Variants in ADAMTS12 observed in about 807,000 individuals in gnomAD.
ADAMTS12 encodes A disintegrin and metalloproteinase with thrombospondin motifs 12.
A neutral mutation model predicts 167.8 loss-of-function variants in ADAMTS12; 118 were observed. That is an observed-to-expected ratio of 0.70 (90% CI 0.61 to 0.82). ADAMTS12 has a LOEUF of 0.82. Ranked by LOEUF, ADAMTS12 falls within the 40% of genes least tolerant of loss-of-function variation. The pLI is 0.00. For synonymous variants in ADAMTS12, 704 were observed against 716.9 expected (o/e 0.98, Z 0.29); for missense variants, 1,916 against 1,998.8 (o/e 0.96, Z 0.79).
intron 2 of ADAMTS12, among the ~76,000 whole-genome samples, chr5:33,776,155 G>C (rs956149493): frequency 5.9e-5 from 9 of 152,110 alleles, no homozygotes; most frequent in Non-Finnish European, 1.5e-5. Flanking sequence ...CTTTAATATG[G>C]ATAAATCATT....
intron 2 of ADAMTS12, among the ~76,000 whole-genome samples, chr5:33,843,002 C>G (rs180767061): frequency 4.0e-4 from 61 of 152,296 alleles, no homozygotes; most frequent in Admixed American, 4.0e-3. Context: ...CACTCACAGT[C>G]TAAATCCCCA....
rs866839260 is a variant in ADAMTS12, at chr5:33,785,015, T to C, written c.490-33467A>G. 2.6e-5 allele frequency among the ~76,000 whole-genome samples: 4 copies of C among 152,082 alleles called. No homozygotes were observed. The South Asian group carries it at 8.3e-4, about 31-fold the overall frequency. On this transcript the variant is annotated intron_variant, in intron 2 of 23. Transcript: ENST00000504830. ...AAGAAAATAGTGAGCAGTTAACCCT[T>C]GCTCATAGGTTAATTAATTTTGAAC...
intron 19 of ADAMTS12, among the ~76,000 whole-genome samples, chr5:33,563,243 G>A (rs972476781): frequency 2.0e-5 from 3 of 152,116 alleles, no homozygotes; most frequent in African/African-American, 4.8e-5. Context: ...GGCCTGCATC[G>A]TTCATACTTC....
In ADAMTS12 at chr5:33,675,071, C is replaced by T. The variant is rs769467453; in HGVS notation, c.915+7947G>A. On this transcript the variant is annotated intron_variant, in intron 5 of 23. Coordinates refer to ENST00000504830, the MANE Select transcript of ADAMTS12 (RefSeq NM_030955.4). ...TGATGCCTTCCACCATGGAATGACA[C>T]TCACCAGATGCTGGTGCCATGATCT... is the stretch of plus-strand genomic sequence containing the variant. 3.0e-4 allele frequency among the ~76,000 whole-genome samples: 45 copies of T among 152,190 alleles called. 1 individual carries two copies. Among genetic ancestry groups the T allele is most frequent in the Non-Finnish European group, 5.4e-4 (37 of 68,028 alleles).
chr5:33,681,158 C>T (rs538361522), intron 5 of ADAMTS12, among the ~76,000 whole-genome samples: 1 of 152,234 alleles, frequency 6.6e-6, no homozygotes, highest in South Asian at 2.1e-4. Context: ...AAATGACATA[C>T]CCATTGGTAT....
chr5:33,863,360 T>G (rs564494149), intron 2 of ADAMTS12, among the ~76,000 whole-genome samples: 1 of 152,172 alleles, frequency 6.6e-6, no homozygotes, highest in South Asian at 2.1e-4. Context: ...GGTTACAAGA[T>G]CAATGTGCAA....
chr5:33,733,902 G>A (rs1416047594), intron 3 of ADAMTS12, among the ~76,000 whole-genome samples: 1 of 151,722 alleles, frequency 6.6e-6, no homozygotes, highest in African/African-American at 2.4e-5. Flanking sequence ...AGATCATAAG[G>A]CTCAGAGAAC....
rs1311334876 is a variant in ADAMTS12 at position 33,590,416 on chromosome 5, G to A, written c.2655-1607C>T. Reference sequence around the variant, plus strand: ...GGATCTGATGGGAGGTGTTTAGATCGTGAGGGCTTTACCATCATGAATGGA... The same window carrying A: ...GGATCTGATGGGAGGTGTTTAGATCATGAGGGCTTTACCATCATGAATGGA... On this transcript the variant is annotated intron_variant, in intron 17 of 23. Coordinates refer to ENST00000504830, the MANE Select transcript of ADAMTS12 (RefSeq NM_030955.4). Among the ~76,000 whole-genome samples, 4 of 152,130 alleles carry A rather than the reference G, an allele frequency of 2.6e-5. No homozygotes were observed. The East Asian group carries it at 5.8e-4, about 22-fold the overall frequency.
At chr5:33,585,796 G>GCAGGAAAGCCTGT (rs1747316214) in intron 18 of ADAMTS12, among the ~76,000 whole-genome samples, 1 of 152,162 alleles carries the variant, frequency 6.6e-6, no homozygotes, top group South Asian at 2.1e-4. Flanking sequence ...GTCACAGGGG[G>GCAGGAAAGCCTGT]CAGGAAAGCC....
chr5:33,655,284 A>G (rs1741011551), intron 7 of ADAMTS12, among the ~76,000 whole-genome samples: 1 of 152,108 alleles, frequency 6.6e-6, no homozygotes, highest in Non-Finnish European at 1.5e-5. Flanking sequence ...CTCCAGAGCC[A>G]ATTAGACTGC....
At position 33,878,151 on chromosome 5, in the gene ADAMTS12, C is replaced by T. The variant is rs150910855; in HGVS notation, c.489+2968G>A. Among the ~76,000 whole-genome samples the T allele has an allele frequency of 3.2e-4, 49 of 152,320 alleles. 1 individual carries two copies. The East Asian group carries it at 8.5e-3, about 26-fold the overall frequency. ...GATCAGAAGTCAGGTACAAGTCCAA[C>T]CACTATCCTTTGGACTACGACCACT... On this transcript the variant is annotated intron_variant, in intron 2 of 23. Coordinates refer to ENST00000504830, the MANE Select transcript of ADAMTS12 (RefSeq NM_030955.4).
At chr5:33,781,026 T>G (rs780720830) in intron 2 of ADAMTS12, among the ~76,000 whole-genome samples, 1 of 152,170 alleles carries the variant, frequency 6.6e-6, no homozygotes, top group Non-Finnish European at 1.5e-5. Flanking sequence ...GCAAAACTGG[T>G]TGAAACAACG....
intron 5 of ADAMTS12, among the ~76,000 whole-genome samples, chr5:33,667,179 G>A (rs1016235709): frequency 5.9e-5 from 9 of 152,014 alleles, no homozygotes; most frequent in East Asian, 1.9e-4. Context: ...TTAGCTGGGC[G>A]TGGTGGTGCA....
Position 33,817,681 on chromosome 5 carries a change from T to A in ADAMTS12, c.489+63438A>T, listed in dbSNP as rs565382152. 8.1e-4 allele frequency among the ~76,000 whole-genome samples: 124 copies of A among 152,162 alleles called. 1 individual carries two copies. Among genetic ancestry groups the A allele is most frequent in the African/African-American group, 2.8e-3 (118 of 41,498 alleles). On this transcript the variant is annotated intron_variant, in intron 2 of 23. Coordinates refer to ENST00000504830, the MANE Select transcript of ADAMTS12 (RefSeq NM_030955.4). ...ATAATGTCATCAGAAAATATTTGAG[T>A]ATGTATCTCCAAAAACACAGATTCT... is the stretch of plus-strand genomic sequence containing the variant.
intron 3 of ADAMTS12, among the ~76,000 whole-genome samples, chr5:33,742,021 G>C (rs900725194): frequency 6.6e-6 from 1 of 152,116 alleles, no homozygotes. Context: ...ACGATTTTGT[G>C]ATTTTTTGTT....
intron 14 of ADAMTS12, among the ~76,000 whole-genome samples, chr5:33,618,020 A>G (rs1309822531): frequency 2.6e-5 from 4 of 152,218 alleles, no homozygotes; most frequent in African/African-American, 4.8e-5. Context: ...AAGTAAAAAT[A>G]TTTGTGTATA....
Position 33,849,571 on chromosome 5 carries a change from G to A in ADAMTS12, c.489+31548C>T, listed in dbSNP as rs115226859. On this transcript the variant is annotated intron_variant, in intron 2 of 23. Transcript: ENST00000504830. ...ATATGTACTGCATAGCAATACACATGTGTATTGCATAGCAATACACATATG... is the reference window on the plus strand; with the variant it reads ...ATATGTACTGCATAGCAATACACATATGTATTGCATAGCAATACACATATG... Among the ~76,000 whole-genome samples, 511 of 97,058 alleles carry A rather than the reference G, an allele frequency of 5.3e-3. 37 individuals carry two copies. Among genetic ancestry groups the A allele is most frequent in the African/African-American group, 0.015 (443 of 29,042 alleles). The allele number at this position is 97,058 out of a possible 152,430, so 63.7% of individuals were successfully genotyped here.
chr5:33,768,774 C>T (rs928645092), intron 2 of ADAMTS12, among the ~76,000 whole-genome samples: 1 of 152,022 alleles, frequency 6.6e-6, no homozygotes, highest in African/African-American at 2.4e-5. Context: ...TAAGAAACTA[C>T]TCATATTGTT....
Position 33,605,246 on chromosome 5 carries a change from G to C in ADAMTS12, c.2527+8992C>G, listed in dbSNP as rs181271622. ...CTATTTCCTAAAGAGCTCCACATTT[G>C]TACAATTTTTCCATCTATGTCACTT... is the stretch of plus-strand genomic sequence containing the variant. On this transcript the variant is annotated intron_variant, in intron 16 of 23. Coordinates refer to ENST00000504830, the MANE Select transcript of ADAMTS12 (RefSeq NM_030955.4). Among the ~76,000 whole-genome samples the C allele has an allele frequency of 7.4e-3, 1,122 of 152,228 alleles. 8 individuals carry two copies. Among genetic ancestry groups the C allele is most frequent in the Middle Eastern group, 0.024 (7 of 294 alleles).
Sources: allele counts gnomAD v4.1 joint callset (sites outside exome capture counted in the v4.1 genomes callset), GRCh38; gene constraint gnomAD v4.1.1; transcripts MANE v1.5; gene names NCBI Gene and HGNC (gene_info 2026-07-23, HGNC 2026-07-21).